PES1: variants seen among roughly 807,000 people sequenced by gnomAD.
PES1 encodes pescadillo ribosomal biogenesis factor 1.
A neutral mutation model predicts 77.1 loss-of-function variants in PES1; 31 were observed. The observed-to-expected ratio is 0.40, with a 90% CI of 0.30 to 0.54. PES1 has a LOEUF of 0.54. Among genes scored for constraint, PES1 ranks in the 20% least tolerant of loss-of-function variants. PES1 has a pLI of 0.45. For synonymous variants in PES1, 282 were observed against 303.0 expected, an observed-to-expected ratio of 0.93 and a Z score of 0.72; for missense variants, 658 against 771.7, an observed-to-expected ratio of 0.85 and a Z score of 1.75.
At chr22:30,584,778 G>A (rs2087050576) in intron 4 of PES1, 61 bp from the exon 5 acceptor site, 10 of 1,537,556 alleles carry the variant, frequency 6.5e-6, no homozygotes. Context: ...GGGGGACCCT[G>A]ATCTCCTTAT....
intron 1 of PES1, among the ~76,000 whole-genome samples, 153 bp from the exon 2 acceptor site, chr22:30,589,423 G>C (rs1413893442): frequency 6.6e-6 from 1 of 152,208 alleles, no homozygotes; most frequent in Non-Finnish European, 1.5e-5. Context: ...GAGCCGACCT[G>C]CCTGGATGAG....
chr22:30,599,625 C>T (rs948240122), intron 2 of PES1, among the ~76,000 whole-genome samples: 9 of 152,250 alleles, frequency 5.9e-5, no homozygotes, highest in East Asian at 3.9e-4. Flanking sequence ...ATAGGCTGGG[C>T]GCGGTGGCTC....
intron 8 of PES1, 107 bp from the exon 9 acceptor site, chr22:30,581,208 C>A: frequency 7.4e-7 from 1 of 1,356,122 alleles, no homozygotes. Flanking sequence ...GGTGTGGGTT[C>A]CAAGGGCAGG....
At chr22:30,594,200 T>G (rs2087223488), upstream of PES1, among the ~76,000 whole-genome samples, 1 of 152,188 alleles carries the variant, frequency 6.6e-6, no homozygotes, top group Admixed American at 6.5e-5. Flanking sequence ...AGTTGTTGCT[T>G]TAAGTATGTT....
At chr22:30,579,512 G>A (rs372487376) in intron 12 of PES1, 49 of 780,350 alleles carry the variant, frequency 6.3e-5, no homozygotes, top group East Asian at 4.5e-4. Flanking sequence ...GAGCTCTGTC[G>A]CCTCCAATGT....
At position 30,577,486 on chromosome 22, in the gene PES1, G is replaced by A. The variant is rs146356235; in HGVS notation, c.1684-357C>T. On this transcript the variant is annotated intron_variant, in intron 14 of 14. Transcript: ENST00000354694. ...CAACAGGAAGAACCTTCTTTCCGGG[G>A]TCATCTGACAATATATTTTTAATTT... 6.5e-3 allele frequency among the ~76,000 whole-genome samples: 996 copies of A among 152,280 alleles called. 10 individuals carry two copies. Among genetic ancestry groups the A allele is most frequent in the South Asian group, 0.025 (120 of 4,826 alleles).
chr22:30,593,344 G>T (rs530466160), upstream of PES1, among the ~76,000 whole-genome samples: 1 of 152,096 alleles, frequency 6.6e-6, no homozygotes, highest in Admixed American at 6.6e-5. Flanking sequence ...AAAATTAGCC[G>T]GGTGTGGTGG....
Position 30,580,123 on chromosome 22 carries a change from C to T in PES1, c.1099G>A (p.Asp367Asn). The T allele has an allele frequency of 6.2e-7, 1 of 1,614,140 alleles. No homozygotes were observed. Among genetic ancestry groups the T allele is most frequent in the Non-Finnish European group, 8.5e-7 (1 of 1,180,014 alleles). ...TGGGTGATGCGGGAGTCTGTGACGT[C>T]ATAGGTGGCCCCAATGCACAAAGAT... ...DKSLCIGATY[D>N]VTDSRITHQI... The change falls in exon 11 of 15, where the codon GAC (aspartate) becomes AAC (asparagine). Residue 367 changes from aspartate (D) to asparagine (N), a missense_variant. Coordinates refer to ENST00000354694, the MANE Select transcript of PES1 (RefSeq NM_014303.4).
At position 30,576,904 on chromosome 22, in the gene PES1, C is replaced by T; in HGVS notation, c.*142G>A. The T allele has an allele frequency of 1.4e-6, 1 of 725,882 alleles. No homozygotes were observed. The allele number at this position is 725,882 out of a possible 1,614,324, so 45.0% of individuals were successfully genotyped here. A position where few individuals can be genotyped will look rare whatever the true frequency, so the allele number is the denominator to read the frequency against. ...AGCGAGGGCTGCCCACTGGCCCAGC[C>T]AGAGAGCATGAGGGGTCAGGGCTGG... On this transcript the variant is annotated 3_prime_UTR_variant, in exon 15 of 15. Coordinates refer to ENST00000354694, the MANE Select transcript of PES1 (RefSeq NM_014303.4).
rs1290389285 is a variant in PES1, at chr22:30,580,683, C to T, written c.931G>A (p.Glu311Lys). Reference sequence around the variant, plus strand: ...GCCTCCAGCTCCTTCCTGCGGTCTTCCTCCTGCGCTGACATCTCCTGTTGA... The same window carrying T: ...GCCTCCAGCTCCTTCCTGCGGTCTTTCTCCTGCGCTGACATCTCCTGTTGA... The part of the protein sequence containing the change: ...PTDGEMSAQE[E>K]DRRKELEAQE... The change falls in exon 10 of 15, where the codon GAA (glutamate) becomes AAA (lysine). Residue 311 changes from glutamate to lysine, a missense_variant. Physicochemically the swap from Glu to Lys is moderately conservative, Grantham distance 56 (BLOSUM62 1). Transcript: ENST00000354694. 10 of 1,613,446 alleles carry T rather than the reference C, an allele frequency of 6.2e-6. No individual in the cohort carries two copies. Among genetic ancestry groups the T allele is most frequent in the Non-Finnish European group, 7.6e-6 (9 of 1,180,032 alleles).
Position 30,580,561 on chromosome 22 carries a change from G to A in PES1, c.1043+10C>T. The A allele has an allele frequency of 1.2e-6, 2 of 1,613,636 alleles. No homozygotes were observed. Among genetic ancestry groups the A allele is most frequent in the Non-Finnish European group, 1.7e-6 (2 of 1,179,932 alleles). ...ACCAATGCTGTCAGCGGGCCCTTGA[G>A]CCTCCCTACCTGATGATGAAGGCCA... On this transcript the variant is annotated intron_variant, in intron 10 of 14. Transcript: ENST00000354694.
chr22:30,591,965 T>A, upstream of PES1: 1 of 1,414,628 alleles, frequency 7.1e-7, no homozygotes, highest in Non-Finnish European at 9.2e-7. Context: ...CCCAATGAGA[T>A]GCCTGTACAA....
chr22:30,599,955 A>C (rs2087328160), intron 2 of PES1, among the ~76,000 whole-genome samples: 2 of 152,214 alleles, frequency 1.3e-5, no homozygotes, highest in Admixed American at 1.3e-4. Flanking sequence ...AATGCTTATA[A>C]ATACAATTGT....
chr22:30,596,911 TAGAGTTA>T (rs2087261079), intron 2 of PES1, among the ~76,000 whole-genome samples: 1 of 152,112 alleles, frequency 6.6e-6, no homozygotes, highest in African/African-American at 2.4e-5. Flanking sequence ...GCGGGCCAGC[TAGAGTTA>T]AGGGTGGGCG....
At chr22:30,583,653 G>A (rs1440640998) in intron 6 of PES1, among the ~76,000 whole-genome samples, 1 of 152,256 alleles carries the variant, frequency 6.6e-6, no homozygotes, top group African/African-American at 2.4e-5. Context: ...GCTGGGCTCT[G>A]TGGCTCACGC....
Position 30,576,895 on chromosome 22 carries a change from T to C in PES1, c.*151A>G. On this transcript the variant is annotated 3_prime_UTR_variant, in exon 15 of 15. Transcript: ENST00000354694. ...TCCAAGGGAAGCGAGGGCTGCCCAC[T>C]GGCCCAGCCAGAGAGCATGAGGGGT... 1 of 682,162 alleles carries C rather than the reference T, an allele frequency of 1.5e-6. No homozygotes were observed. The highest frequency in any genetic ancestry group is 2.6e-6 in the Non-Finnish European group (1 of 387,070). The allele number at this position is 682,162 out of a possible 1,614,324, so 42.3% of individuals were successfully genotyped here.
intron 2 of PES1, among the ~76,000 whole-genome samples, chr22:30,597,964 A>G (rs1311387134): frequency 6.8e-6 from 1 of 146,306 alleles, no homozygotes; most frequent in Non-Finnish European, 1.5e-5. Flanking sequence ...GCTCACTGCA[A>G]GCTCCGCTTC....
chr22:30,598,889 T>TTTTTTTTTTTC, intron 2 of PES1, among the ~76,000 whole-genome samples: 1 of 60,878 alleles, frequency 1.6e-5, no homozygotes. Context: ...AGTAAAATTT[T>TTTTTTTTTTTC]TTTTTTTTTT....
intron 2 of PES1, among the ~76,000 whole-genome samples, chr22:30,599,446 G>T (rs770747211): frequency 2.0e-4 from 30 of 152,080 alleles, no homozygotes; most frequent in Non-Finnish European, 4.1e-4. Flanking sequence ...AATATAACTA[G>T]TTTAATAGGA....
Sources: allele counts gnomAD v4.1 joint callset (sites outside exome capture counted in the v4.1 genomes callset), GRCh38; gene constraint gnomAD v4.1.1; transcripts MANE v1.5; gene names NCBI Gene and HGNC (gene_info 2026-07-23, HGNC 2026-07-21).